Variants in DMTN observed in about 807,000 individuals in gnomAD.
The protein encoded by DMTN is dematin.
Under a neutral mutation model 59.4 loss-of-function variants are expected in DMTN, and 27 were observed. The observed-to-expected ratio is 0.45, with a 90% CI of 0.33 to 0.63. The LOEUF is 0.63. Among genes scored for constraint, DMTN ranks in the 20% least tolerant of loss-of-function variants. The pLI is 0.02. For missense variants in DMTN, 451 were observed against 528.9 expected (o/e 0.85, Z 1.45); for synonymous variants, 221 against 203.7 (o/e 1.08, Z -0.72).
upstream of DMTN, among the ~76,000 whole-genome samples, chr8:22,053,091 C>T (rs529980106): frequency 2.2e-3 from 331 of 152,228 alleles, no homozygotes; most frequent in Non-Finnish European, 3.3e-3. Flanking sequence ...AGAGGAAAAA[C>T]GGGCACGAGA....
chr8:22,056,757 G>C (rs1014823219), upstream of DMTN: 1 of 152,268 alleles, frequency 6.6e-6, no homozygotes, highest in Non-Finnish European at 1.5e-5. Flanking sequence ...AGCTGGAAGT[G>C]GGGAGGGCGC....
At chr8:22,076,751 CAT>C (rs748291920) in intron 10 of DMTN, among the ~76,000 whole-genome samples, 1 of 151,142 alleles carries the variant, frequency 6.6e-6, no homozygotes, top group South Asian at 2.1e-4. Flanking sequence ...TTTTGGGTGA[CAT>C]ATATATACAC....
At chr8:22,072,939 G>T (rs923820052) in intron 9 of DMTN, among the ~76,000 whole-genome samples, 1 of 152,074 alleles carries the variant, frequency 6.6e-6, no homozygotes. Context: ...TGCTTTCTGG[G>T]GGACACTACT....
rs1287131194 is a variant in DMTN, at chr8:22,081,657, C to T, written c.*194C>T. 81 of 611,724 alleles carry T rather than the reference C, an allele frequency of 1.3e-4. 1 individual carries two copies. The South Asian group carries it at 1.5e-3, about 11-fold the overall frequency. The allele number at this position is 611,724 out of a possible 1,614,324, so 37.9% of individuals were successfully genotyped here. A position where few individuals can be genotyped will look rare whatever the true frequency, so the allele number is the denominator to read the frequency against. On this transcript the variant is annotated 3_prime_UTR_variant, in exon 16 of 16. Transcript: ENST00000358242. The stretch of plus-strand genomic sequence containing the variant: ...TTCCCCCTCACAAGGCTGGGGGCCT[C>T]CTGCTCTCGTCCCTGGCCCTCCCTG...
chr8:22,070,412 G>A (rs1032777963), intron 8 of DMTN, 78 bp downstream of exon 8: 13 of 1,496,216 alleles, frequency 8.7e-6, no homozygotes, highest in African/African-American at 2.8e-5. Context: ...GCTGCAGTCC[G>A]TGAACCCACT....
At chr8:22,079,622 G>A (rs73545601) in intron 10 of DMTN, among the ~76,000 whole-genome samples, 8,537 of 151,642 alleles carry the variant, frequency 0.056, 623 homozygotes, top group African/African-American at 0.17. Context: ...ATTTTTGGCC[G>A]GGCACGGTGT....
At position 22,067,509 on chromosome 8, in the gene DMTN, G is replaced by A. The variant is rs151041134; in HGVS notation, c.94-18G>A. 4.7e-5 allele frequency: 76 copies of A among 1,613,932 alleles called. 2 individuals carry two copies. In the African/African-American group the frequency reaches 8.3e-4, roughly 18 times the overall value. On this transcript the variant is annotated intron_variant, in intron 3 of 15. Transcript: ENST00000358242. Reference sequence around the variant, plus strand: ...GGGGCTTTCGGCACAGCAGTTTCACGCGCACCTTTCCCTTCAGGCCAAGAT... The same window carrying A: ...GGGGCTTTCGGCACAGCAGTTTCACACGCACCTTTCCCTTCAGGCCAAGAT...
chr8:22,051,383 C>CACAAACTG (rs1392387450), upstream of DMTN, among the ~76,000 whole-genome samples: 4 of 152,200 alleles, frequency 2.6e-5, no homozygotes, highest in African/African-American at 9.7e-5. Context: ...CTTTAGGCCA[C>CACAAACTG]ACAAACTGGT....
upstream of DMTN, among the ~76,000 whole-genome samples, chr8:22,051,775 T>C (rs562879805): frequency 6.6e-5 from 10 of 152,226 alleles, no homozygotes; most frequent in East Asian, 1.9e-3. Flanking sequence ...ATCCACTCGC[T>C]CCCTACATCA....
chr8:22,081,099 CCCCCCA>C lies in DMTN; in HGVS notation c.1024-7_1024-2del. On this transcript the variant is annotated splice_region_variant and splice_polypyrimidine_tract_variant and intron_variant, in intron 14 of 15. Coordinates refer to ENST00000358242, the MANE Select transcript of DMTN (RefSeq NM_001387751.1). ...ATTCTGTGAGCCTAAGATTGCCCCT[CCCCCCA>C]CCCCCAGATCTATCCCTATGAAATG... The C allele has an allele frequency of 1.6e-6, 1 of 639,148 alleles. No homozygotes were observed. The highest frequency in any genetic ancestry group is 2.8e-6 in the Non-Finnish European group (1 of 356,082). 39.6% of individuals were successfully genotyped at this position (639,148 alleles called of 1,614,324 possible). A position where few individuals can be genotyped will look rare whatever the true frequency, so the allele number is the denominator to read the frequency against.
intron 7 of DMTN, 21 bp from the exon 8 acceptor site, chr8:22,070,161 G>C (rs1814208406): frequency 6.4e-7 from 1 of 1,566,194 alleles, no homozygotes; most frequent in Non-Finnish European, 8.7e-7. Flanking sequence ...ACACCTGGCT[G>C]ACCCTGGCCT....
In DMTN at chr8:22,060,654, GT is replaced by G. The variant is rs1267953636; in HGVS notation, c.-172+3519del. On this transcript the variant is annotated intron_variant, in intron 1 of 15. Transcript: ENST00000358242. The surrounding 1 kb of genome is among the most constrained non-coding windows in gnomAD (Gnocchi z 5.0). ...CATGCTCTCTAACAAATGGCAGGGG[GT>G]GGCACCAGGGTGCAGGGCCCTGGCT... is the stretch of plus-strand genomic sequence containing the variant. Among the ~76,000 whole-genome samples, 4 of 152,248 alleles carry G rather than the reference GT, an allele frequency of 2.6e-5. No homozygotes were observed. Among genetic ancestry groups the G allele is most frequent in the African/African-American group, 4.8e-5 (2 of 41,474 alleles).
At chr8:22,064,231 TG>T (rs1360591755) in intron 1 of DMTN, among the ~76,000 whole-genome samples, 1 of 152,256 alleles carries the variant, frequency 6.6e-6, no homozygotes, top group Non-Finnish European at 1.5e-5. Flanking sequence ...GATAAGCATT[TG>T]CCCCTAGGCC....
At chr8:22,080,733 A>G (rs1823666951) in intron 13 of DMTN, 72 bp from the exon 14 acceptor site, 7 of 1,586,344 alleles carry the variant, frequency 4.4e-6, no homozygotes, top group Non-Finnish European at 6.0e-6. Flanking sequence ...CTGGTGAAGA[A>G]GAAGAAGCCG....
chr8:22,080,511 C>T (rs1823456808), intron 12 of DMTN, 51 bp downstream of exon 12: 3 of 1,613,864 alleles, frequency 1.9e-6, no homozygotes, highest in Non-Finnish European at 2.5e-6. Flanking sequence ...TTACACAGGT[C>T]CCTGGGCAGC....
chr8:22,066,853 C>T lies in DMTN; in HGVS notation c.-23C>T. 1 of 1,413,474 alleles carries T rather than the reference C, an allele frequency of 7.1e-7. No homozygotes were observed. The highest frequency in any genetic ancestry group is 9.3e-7 in the Non-Finnish European group (1 of 1,081,004). The allele number at this position is 1,413,474 out of a possible 1,614,324, so 87.6% of individuals were successfully genotyped here. ...TCGCGCACAGGGCTCTGCGAGTGACCCGGCGGGCGAGCTCCGTGCTGCATG... is the reference window on the plus strand; with the variant it reads ...TCGCGCACAGGGCTCTGCGAGTGACTCGGCGGGCGAGCTCCGTGCTGCATG... On this transcript the variant is annotated 5_prime_UTR_variant, in exon 2 of 16. Transcript: ENST00000358242.
intron 10 of DMTN, among the ~76,000 whole-genome samples, chr8:22,074,232 T>TG (rs1818025390): frequency 6.6e-6 from 1 of 151,900 alleles, no homozygotes; most frequent in Admixed American, 6.6e-5. Context: ...CAACAGGGCC[T>TG]GGGAGGCCAA....
chr8:22,049,699 C>G (rs980924583), upstream of DMTN, among the ~76,000 whole-genome samples: 6 of 151,660 alleles, frequency 4.0e-5, no homozygotes, highest in Non-Finnish European at 8.8e-5. Context: ...CTGAGGATGT[C>G]CCCCAGCCTC....
In DMTN at chr8:22,073,835, T is replaced by G; in HGVS notation, c.835T>G (p.Ser279Ala). 1 of 1,613,150 alleles carries G rather than the reference T, an allele frequency of 6.2e-7. No homozygotes were observed. The highest frequency in any genetic ancestry group is 8.5e-7 in the Non-Finnish European group (1 of 1,179,284). Reference sequence around the variant, plus strand: ...GCCTGACCGGACACCCTTCCATACCTGTGAGTGCTGTGGAGGGGGCTCAGA... The same window carrying G: ...GCCTGACCGGACACCCTTCCATACCGGTGAGTGCTGTGGAGGGGGCTCAGA... ...SLPDRTPFHT[S>A]LHQGTSKSSS... Residue 279 changes from serine to alanine, a missense_variant and splice_region_variant, in exon 10 of 16, where the codon TCC (serine) becomes GCC (alanine). Physicochemically the swap from Ser to Ala is moderately conservative, Grantham distance 99. Transcript: ENST00000358242.
Sources: allele counts gnomAD v4.1 joint callset (sites outside exome capture counted in the v4.1 genomes callset), GRCh38; gene constraint gnomAD v4.1.1; non-coding constraint Gnocchi (gnomAD v3.1); transcripts MANE v1.5; gene names NCBI Gene and HGNC (gene_info 2026-07-23, HGNC 2026-07-21).